The following PCSK5 variants were observed in gnomAD, a reference collection of about 807,000 sequenced individuals.
PCSK5 encodes prohormone convertase 5.
A neutral mutation model predicts 233.2 loss-of-function variants in PCSK5; 129 were observed. That is an observed-to-expected ratio of 0.55 (90% confidence interval 0.48 to 0.64). The LOEUF is 0.64. Ranked by LOEUF, PCSK5 falls within the 30% of genes least tolerant of loss-of-function variation. The pLI, the probability that PCSK5 is intolerant of heterozygous loss-of-function variation, is 0.00. For synonymous variants in PCSK5, 825 were observed against 879.2 expected, an observed-to-expected ratio of 0.94 and a Z score of 1.09; for missense variants, 2,076 against 2,430.1, an observed-to-expected ratio of 0.85 and a Z score of 3.06.
At chr9:75,891,446 C>G in intron 1 of PCSK5, 73 bp downstream of exon 1, 1 of 1,179,264 alleles carries the variant, frequency 8.5e-7, no homozygotes, top group Non-Finnish European at 1.2e-6. Context: ...CTGCGTGGAA[C>G]CCCCTCCCCC....
chr9:75,932,301 A>G, intron 1 of PCSK5, 78 bp from the exon 2 acceptor site: 1 of 884,792 alleles, frequency 1.1e-6, no homozygotes, highest in Non-Finnish European at 1.8e-6. Flanking sequence ...TTTTTAAATG[A>G]AAAACAGGAA....
chr9:76,090,641 A>G (rs1040217110), intron 7 of PCSK5, among the ~76,000 whole-genome samples: 1 of 152,150 alleles, frequency 6.6e-6, no homozygotes, highest in African/African-American at 2.4e-5. Flanking sequence ...CTGTAACAAA[A>G]CAGCACAGAC....
At chr9:76,016,874 AG>A (rs1827969319) in intron 3 of PCSK5, among the ~76,000 whole-genome samples, 1 of 152,088 alleles carries the variant, frequency 6.6e-6, no homozygotes, top group East Asian at 1.9e-4. Flanking sequence ...AATTATGAGT[AG>A]AATTTTGGAA....
intron 2 of PCSK5, among the ~76,000 whole-genome samples, chr9:75,942,344 C>G (rs1824348615): frequency 6.6e-6 from 1 of 152,186 alleles, no homozygotes; most frequent in Admixed American, 6.5e-5. Context: ...TTTATGACCC[C>G]TTGGGTTGGC....
chr9:76,193,934 T>C (rs1358079156), intron 20 of PCSK5: 1 of 152,616 alleles, frequency 6.6e-6, no homozygotes. Context: ...ATGGATACTC[T>C]CCACACATCA....
intron 36 of PCSK5, among the ~76,000 whole-genome samples, chr9:76,352,888 C>CA (rs140814698): frequency 0.13 from 18,804 of 147,118 alleles, 1,299 homozygotes; most frequent in East Asian, 0.2. Context: ...ACAAAAAATA[C>CA]AAAAAAAAAA....
chr9:76,091,232 T>G (rs748277895), intron 7 of PCSK5, among the ~76,000 whole-genome samples: 11 of 152,098 alleles, frequency 7.2e-5, no homozygotes, highest in Non-Finnish European at 1.6e-4. Context: ...CTTGTAGAGC[T>G]GGGTCCTGGC....
chr9:76,213,532 TC>T (rs1418311878), intron 20 of PCSK5, among the ~76,000 whole-genome samples: 1 of 152,070 alleles, frequency 6.6e-6, no homozygotes. Flanking sequence ...GTGGTTCCAC[TC>T]CCTCACCCTG....
At chr9:76,083,607 A>T (rs1435951246) in intron 7 of PCSK5, among the ~76,000 whole-genome samples, 1 of 152,238 alleles carries the variant, frequency 6.6e-6, no homozygotes, top group African/African-American at 2.4e-5. Context: ...ATAGACATCC[A>T]TTGGCGTATG....
At chr9:76,057,277 A>G (rs933630745) in intron 5 of PCSK5, among the ~76,000 whole-genome samples, 2 of 152,190 alleles carry the variant, frequency 1.3e-5, no homozygotes, top group African/African-American at 4.8e-5. Flanking sequence ...TCTTGTTCAT[A>G]CACTTGAACT....
intron 7 of PCSK5, among the ~76,000 whole-genome samples, chr9:76,086,246 A>G (rs1831057311): frequency 1.3e-5 from 2 of 152,220 alleles, no homozygotes; most frequent in Admixed American, 1.3e-4. Context: ...TACCCAGAAC[A>G]GCTGTGTTGG....
At chr9:76,019,807 A>T in intron 3 of PCSK5, among the ~76,000 whole-genome samples, 1 of 152,284 alleles carries the variant, frequency 6.6e-6, no homozygotes, top group East Asian at 1.9e-4. Flanking sequence ...TTTCATTCCT[A>T]AAAAAGTACA....
intron 24 of PCSK5, among the ~76,000 whole-genome samples, chr9:76,250,737 A>G (rs1186243672): frequency 6.6e-6 from 1 of 152,220 alleles, no homozygotes; most frequent in Non-Finnish European, 1.5e-5. Context: ...TCTGAAACAG[A>G]GAAAAGACAC....
chr9:75,911,212 T>G (rs944698053), intron 1 of PCSK5, among the ~76,000 whole-genome samples: 1 of 135,870 alleles, frequency 7.4e-6, no homozygotes, highest in African/African-American at 2.7e-5. Context: ...TTTTTTTTTT[T>G]TTTTTTTTTT....
chr9:76,073,700 C>T (rs1429485582), intron 7 of PCSK5, among the ~76,000 whole-genome samples: 1 of 144,240 alleles, frequency 6.9e-6, no homozygotes, highest in East Asian at 2.1e-4. Flanking sequence ...ATTAGTAATA[C>T]ACATAACCTC....
rs1830450499 is a variant in PCSK5, at chr9:76,362,769, G to C, written c.*3847G>C. Among the ~76,000 whole-genome samples the C allele has an allele frequency of 1.3e-5, 2 of 152,168 alleles. No individual in the cohort carries two copies. The stretch of plus-strand genomic sequence containing the variant: ...ATGGAAGAGCATTGTAAAAATCCCT[G>C]TCCTGTGCTGTTTCGTTCTGATTAC... On this transcript the variant is annotated 3_prime_UTR_variant, in exon 38 of 38. Coordinates refer to ENST00000674117, the MANE Select transcript of PCSK5 (RefSeq NM_001372043.1).
chr9:76,007,949 A>G (rs1032368836), intron 3 of PCSK5, among the ~76,000 whole-genome samples: 1 of 151,820 alleles, frequency 6.6e-6, no homozygotes, highest in African/African-American at 2.4e-5. Flanking sequence ...CTCTTTCTCC[A>G]TCAAGTCTTC....
At chr9:76,302,937 C>T (rs1828657682) in intron 28 of PCSK5, among the ~76,000 whole-genome samples, 1 of 148,478 alleles carries the variant, frequency 6.7e-6, no homozygotes, top group South Asian at 2.1e-4. Context: ...ATGGACACTG[C>T]ACTTTCTGGG....
At chr9:76,089,833 C>G (rs1191517190) in intron 7 of PCSK5, among the ~76,000 whole-genome samples, 1 of 152,170 alleles carries the variant, frequency 6.6e-6, no homozygotes, top group East Asian at 1.9e-4. Context: ...GGTAATCCAG[C>G]ATAAAGTGGC....
Sources: allele counts gnomAD v4.1 joint callset (sites outside exome capture counted in the v4.1 genomes callset), GRCh38; gene constraint gnomAD v4.1.1; transcripts MANE v1.5; gene names NCBI Gene and HGNC (gene_info 2026-07-23, HGNC 2026-07-21).